The following MIGA1 variants were observed in gnomAD, a reference collection of about 807,000 sequenced individuals.
MIGA1 encodes the protein mitoguardin 1.
Under a neutral mutation model 82.0 loss-of-function variants are expected in MIGA1, and 58 were observed. That is an observed-to-expected ratio of 0.71 (90% CI 0.57 to 0.88). The LOEUF is 0.88. Among genes scored for constraint, MIGA1 ranks in the 40% least tolerant of loss-of-function variants. MIGA1 has a pLI of 0.00. For synonymous variants in MIGA1, 249 were observed against 253.6 expected (o/e 0.98, Z 0.17); for missense variants, 751 against 749.1 (o/e 1.00, Z -0.03).
At chr1:77,836,795 A>G (rs887080055) in intron 7 of MIGA1, among the ~76,000 whole-genome samples, 2 of 152,182 alleles carry the variant, frequency 1.3e-5, no homozygotes, top group African/African-American at 4.8e-5. Context: ...TAAAGCAGTA[A>G]GTTTTTTTCT....
intron 2 of MIGA1, among the ~76,000 whole-genome samples, chr1:77,784,170 A>C (rs1682046010): frequency 1.3e-5 from 2 of 152,158 alleles, no homozygotes; most frequent in African/African-American, 4.8e-5. Flanking sequence ...ATTTTGTGTC[A>C]AGTGAAATTG....
At chr1:77,860,302 G>C in intron 11 of MIGA1, 176 bp downstream of exon 11, 3 of 532,378 alleles carry the variant, frequency 5.6e-6, no homozygotes, top group South Asian at 2.9e-5. Flanking sequence ...TTTCAACCAA[G>C]TTGTTTCTCA....
intron 8 of MIGA1, among the ~76,000 whole-genome samples, chr1:77,854,922 G>A (rs567641612): frequency 4.5e-4 from 69 of 152,190 alleles, no homozygotes; most frequent in African/African-American, 1.7e-3. Flanking sequence ...CTATTTCTTT[G>A]TTTTTATTGC....
chr1:77,862,389 G>A (rs549406260), intron 12 of MIGA1, among the ~76,000 whole-genome samples: 1 of 151,362 alleles, frequency 6.6e-6, no homozygotes, highest in South Asian at 2.1e-4. Flanking sequence ...GGAGGTGGCA[G>A]AGAGTCAAGA....
intron 7 of MIGA1, 121 bp downstream of exon 7, chr1:77,815,352 C>A: frequency 2.7e-6 from 2 of 736,338 alleles, no homozygotes; most frequent in Non-Finnish European, 3.8e-6. Flanking sequence ...AATAAACTAG[C>A]CAAGAGAAAA....
intron 7 of MIGA1, among the ~76,000 whole-genome samples, chr1:77,834,206 C>T (rs1000775037): frequency 1.3e-5 from 2 of 152,070 alleles, no homozygotes; most frequent in Non-Finnish European, 2.9e-5. Flanking sequence ...AACAGGGTCT[C>T]ACTCTGTTGT....
intron 2 of MIGA1, among the ~76,000 whole-genome samples, chr1:77,800,833 T>C (rs1244743660): frequency 6.6e-6 from 1 of 152,198 alleles, no homozygotes; most frequent in Non-Finnish European, 1.5e-5. Flanking sequence ...AAGATTTTAA[T>C]TTATAACACA....
intron 8 of MIGA1, among the ~76,000 whole-genome samples, chr1:77,850,464 A>G (rs1237752416): frequency 6.6e-6 from 1 of 152,158 alleles, no homozygotes; most frequent in African/African-American, 2.4e-5. Flanking sequence ...TTTAACTGTA[A>G]GTCTTATTTA....
intron 5 of MIGA1, among the ~76,000 whole-genome samples, chr1:77,813,273 C>T (rs1417016365): frequency 2.6e-5 from 4 of 152,122 alleles, no homozygotes; most frequent in Non-Finnish European, 5.9e-5. Flanking sequence ...TGAGCCACCG[C>T]GCCGGGCCAT....
intron 8 of MIGA1, among the ~76,000 whole-genome samples, chr1:77,858,380 T>C (rs373476649): frequency 6.6e-6 from 1 of 152,066 alleles, no homozygotes; most frequent in South Asian, 2.1e-4. Flanking sequence ...GTTTTCTGTA[T>C]GTTCTGTGGA....
In MIGA1 at chr1:77,878,956, T is replaced by C. The variant is rs1213118404; in HGVS notation, c.*3892T>C. The stretch of plus-strand genomic sequence containing the variant: ...AAATATTTACAAATGTTTTCTTGCC[T>C]TAAAATGTAACATTTTCTACTTAAA... On this transcript the variant is annotated 3_prime_UTR_variant, in exon 16 of 16. Transcript: ENST00000370791. 4 of 311,844 alleles carry C rather than the reference T, an allele frequency of 1.3e-5. No individual in the cohort carries two copies. Among genetic ancestry groups the C allele is most frequent in the Non-Finnish European group, 2.3e-5 (4 of 170,812 alleles). 19.3% of individuals were successfully genotyped at this position (311,844 alleles called of 1,614,324 possible).
At chr1:77,789,016 A>G (rs1323857614) in intron 2 of MIGA1, among the ~76,000 whole-genome samples, 1 of 152,116 alleles carries the variant, frequency 6.6e-6, no homozygotes, top group Admixed American at 6.6e-5. Context: ...CATCTTAACA[A>G]TGTTAAGTCT....
chr1:77,811,143 T>C (rs919688924), intron 5 of MIGA1: 25 of 1,544,494 alleles, frequency 1.6e-5, no homozygotes, highest in African/African-American at 4.1e-5. Context: ...ATGTATCTTC[T>C]TTTCTTGAAG....
At chr1:77,844,137 T>TAG (rs61292673) in intron 8 of MIGA1, among the ~76,000 whole-genome samples, 71 of 93,794 alleles carry the variant, frequency 7.6e-4, no homozygotes, top group African/African-American at 3.0e-3. Flanking sequence ...TATATATATA[T>TAG]AGATAGATAG....
intron 2 of MIGA1, among the ~76,000 whole-genome samples, chr1:77,789,723 G>A (rs983269125): frequency 4.6e-5 from 7 of 151,786 alleles, no homozygotes; most frequent in Non-Finnish European, 8.8e-5. Context: ...GTTGGTTCCT[G>A]AGTGCTCTTG....
chr1:77,847,713 G>A, intron 8 of MIGA1: 1 of 1,582,086 alleles, frequency 6.3e-7, no homozygotes, highest in Non-Finnish European at 8.7e-7. Flanking sequence ...AGCAGTTGGT[G>A]AAGAGGAAGT....
At chr1:77,865,192 T>A (rs559780775) in intron 13 of MIGA1, among the ~76,000 whole-genome samples, 84 of 151,788 alleles carry the variant, frequency 5.5e-4, no homozygotes, top group African/African-American at 1.9e-3. Flanking sequence ...TTCTTCAGGA[T>A]CCACTGGGTG....
intron 1 of MIGA1, 27 bp downstream of exon 1, chr1:77,779,763 G>C: frequency 6.5e-7 from 1 of 1,537,358 alleles, no homozygotes; most frequent in Non-Finnish European, 8.8e-7. Context: ...GGGGTGGGGT[G>C]GAGAGGCGGG....
At chr1:77,780,082 G>A in intron 1 of MIGA1, 4 of 1,037,034 alleles carry the variant, frequency 3.9e-6, no homozygotes, top group Non-Finnish European at 4.6e-6. Context: ...GGGTCTGGAC[G>A]GCCGAGCTGG....
Sources: allele counts gnomAD v4.1 joint callset (sites outside exome capture counted in the v4.1 genomes callset), GRCh38; gene constraint gnomAD v4.1.1; transcripts MANE v1.5; gene names NCBI Gene and HGNC (gene_info 2026-07-23, HGNC 2026-07-21).